Variants in RANBP2 observed in about 807,000 individuals in gnomAD.
RANBP2 encodes E3 SUMO-protein ligase RanBP2.
Under a neutral mutation model 303.6 loss-of-function variants are expected in RANBP2, and 57 were observed. The observed-to-expected ratio is 0.19, with a 90% CI of 0.15 to 0.23. The LOEUF (loss-of-function observed/expected upper bound fraction) is 0.23. Ranked by LOEUF, RANBP2 falls within the 10% of genes least tolerant of loss-of-function variation. The probability of loss-of-function intolerance (pLI) is 1.00; values close to 1 mark genes in which losing one functional copy is unlikely to be tolerated. For missense variants in RANBP2, 3,138 were observed against 3,780.8 expected (o/e 0.83, Z 4.46); for synonymous variants, 1,167 against 1,301.5 (o/e 0.90, Z 2.23).
chr2:108,837,480 A>G, the RANBP2 span, among the ~76,000 whole-genome samples: 2 of 152,214 alleles, frequency 1.3e-5, no homozygotes, highest in Admixed American at 6.5e-5. Flanking sequence ...TGGTGGTCCC[A>G]TAATATTATA....
the RANBP2 span, among the ~76,000 whole-genome samples, chr2:109,390,605 G>T: frequency 6.6e-6 from 1 of 152,236 alleles, no homozygotes; most frequent in Non-Finnish European, 1.5e-5. Context: ...CAGGGAGGAA[G>T]AAGGGTGACA....
the RANBP2 span, among the ~76,000 whole-genome samples, chr2:109,637,518 G>GGT: frequency 6.6e-6 from 1 of 151,990 alleles, no homozygotes; most frequent in East Asian, 1.9e-4. Flanking sequence ...CACTTTCAAG[G>GGT]GCAGAGTTCC....
chr2:109,202,100 C>A, the RANBP2 span, among the ~76,000 whole-genome samples: 328 of 152,328 alleles, frequency 2.2e-3, 1 homozygote, highest in African/African-American at 7.3e-3. Context: ...CCCCTCGAGG[C>A]GATCTCGGCC....
chr2:108,722,622 C>T (rs1694357495), intron 1 of RANBP2, among the ~76,000 whole-genome samples: 1 of 133,286 alleles, frequency 7.5e-6, no homozygotes, highest in South Asian at 2.3e-4. Flanking sequence ...CATTTTTCTA[C>T]TCCCTCACAT....
At chr2:109,234,948 T>A in the RANBP2 span, among the ~76,000 whole-genome samples, 2 of 152,236 alleles carry the variant, frequency 1.3e-5, no homozygotes. Context: ...ATGAGTGTCC[T>A]AACCTCAGCA....
the RANBP2 span, among the ~76,000 whole-genome samples, chr2:109,705,703 G>C: frequency 6.6e-6 from 1 of 152,232 alleles, no homozygotes; most frequent in South Asian, 2.1e-4. Context: ...CTCAGGCAGA[G>C]CCATTCTGGT....
the RANBP2 span, among the ~76,000 whole-genome samples, chr2:109,512,806 A>G: frequency 2.0e-5 from 3 of 151,768 alleles, no homozygotes; most frequent in Admixed American, 1.3e-4. Context: ...GACCCCTCAC[A>G]TGACTCTGAC....
the RANBP2 span, among the ~76,000 whole-genome samples, chr2:109,474,457 C>T: frequency 6.6e-6 from 1 of 152,152 alleles, no homozygotes; most frequent in Non-Finnish European, 1.5e-5. Flanking sequence ...CTGATGGGAA[C>T]CTAGGTGGTC....
the RANBP2 span, among the ~76,000 whole-genome samples, chr2:109,211,952 A>T: frequency 8.5e-5 from 13 of 152,102 alleles, no homozygotes; most frequent in Non-Finnish European, 1.8e-4. Context: ...CCCTTCCCAC[A>T]TTTCTGTTAC....
the RANBP2 span, among the ~76,000 whole-genome samples, chr2:109,389,906 CG>C: frequency 6.6e-6 from 1 of 152,132 alleles, no homozygotes; most frequent in Non-Finnish European, 1.5e-5. Flanking sequence ...TTGGGTGGAG[CG>C]GCCATCTGCC....
chr2:108,813,700 A>G, the RANBP2 span, among the ~76,000 whole-genome samples: 2 of 152,212 alleles, frequency 1.3e-5, no homozygotes, highest in Non-Finnish European at 2.9e-5. Flanking sequence ...TAAATATTTC[A>G]TGTTGTCTAT....
chr2:108,755,126 T>G, intron 16 of RANBP2, 42 bp downstream of exon 16: 1 of 1,611,934 alleles, frequency 6.2e-7, no homozygotes. Flanking sequence ...TGAAATTGTT[T>G]CTGTTCTAAG....
At chr2:109,101,784 G>A in the RANBP2 span, among the ~76,000 whole-genome samples, 1 of 152,192 alleles carries the variant, frequency 6.6e-6, no homozygotes, top group East Asian at 1.9e-4. Context: ...CCGAGCAGGG[G>A]GTGATGCAGA....
the RANBP2 span, among the ~76,000 whole-genome samples, chr2:109,428,903 C>T: frequency 1.3e-5 from 2 of 152,070 alleles, no homozygotes; most frequent in Admixed American, 1.3e-4. Flanking sequence ...AGGTGCTGCC[C>T]GGTTCTCCCT....
At chr2:109,389,911 A>G in the RANBP2 span, among the ~76,000 whole-genome samples, 1 of 152,122 alleles carries the variant, frequency 6.6e-6, no homozygotes, top group South Asian at 2.1e-4. Flanking sequence ...TGGAGCGGCC[A>G]TCTGCCTTCT....
chr2:109,411,366 C>T, the RANBP2 span, among the ~76,000 whole-genome samples: 1 of 152,208 alleles, frequency 6.6e-6, no homozygotes, highest in South Asian at 2.1e-4. Context: ...GCAGTGGCTG[C>T]TCATCTCTGC....
At chr2:109,562,652 G>A in the RANBP2 span, among the ~76,000 whole-genome samples, 1 of 152,056 alleles carries the variant, frequency 6.6e-6, no homozygotes, top group East Asian at 1.9e-4. Context: ...CCTCAGAGAG[G>A]ACTTCAAAGT....
intron 4 of RANBP2, among the ~76,000 whole-genome samples, chr2:108,733,798 A>C (rs1695359835): frequency 6.6e-6 from 1 of 152,142 alleles, no homozygotes; most frequent in South Asian, 2.1e-4. Context: ...CATTCTTTAA[A>C]GATTTTCTTT....
the RANBP2 span, among the ~76,000 whole-genome samples, chr2:109,232,188 A>G: frequency 9.8e-5 from 15 of 152,318 alleles, no homozygotes; most frequent in African/African-American, 3.6e-4. Context: ...CATTTAAGGA[A>G]CTTCCAGGCT....
Sources: gnomAD v4.1 joint callset for allele counts (sites outside exome capture counted in the v4.1 genomes callset) on GRCh38, gnomAD v4.1.1 for gene constraint, MANE v1.5 for transcripts, NCBI Gene and HGNC (gene_info 2026-07-23, HGNC 2026-07-21) for gene names.